The following SGCD variants were observed in gnomAD, a reference collection of about 807,000 sequenced individuals.
SGCD encodes sarcoglycan delta.
In SGCD, 18 loss-of-function variants were observed where a neutral mutation model predicts 36.6. The observed-to-expected ratio is 0.49, with a 90% CI of 0.34 to 0.73. The LOEUF (loss-of-function observed/expected upper bound fraction) is 0.73. SGCD is among the 30% of genes least tolerant of loss of function. The pLI is 0.01. For synonymous variants in SGCD, 133 were observed against 130.6 expected, an observed-to-expected ratio of 1.02 and a Z score of -0.12; for missense variants, 387 against 346.7, an observed-to-expected ratio of 1.12 and a Z score of -0.92.
rs182802341 is a variant in SGCD, at chr5:156,575,073, G to A, written c.295-14158G>A. Among the ~76,000 whole-genome samples the A allele has an allele frequency of 4.4e-4, 67 of 152,322 alleles. 1 individual carries two copies. The East Asian group carries it at 0.011, about 26-fold the overall frequency. Reference sequence around the variant, plus strand: ...TGGAAGAGCCCTGTTTGCAAATGTGGCCAAAAGCCAGAGAAGTTTAGCCCA... The same window carrying A: ...TGGAAGAGCCCTGTTTGCAAATGTGACCAAAAGCCAGAGAAGTTTAGCCCA... On this transcript the variant is annotated intron_variant, in intron 4 of 8. Coordinates refer to ENST00000337851, the MANE Select transcript of SGCD (RefSeq NM_000337.6).
chr5:156,158,232 G>A (rs1333516591), intron 3 of SGCD, among the ~76,000 whole-genome samples: 1 of 151,608 alleles, frequency 6.6e-6, no homozygotes, highest in East Asian at 1.9e-4. Flanking sequence ...ACTGGATGCT[G>A]TCTGAGAATC....
chr5:155,935,882 C>T (rs950543647), intron 1 of SGCD, among the ~76,000 whole-genome samples: 10 of 152,142 alleles, frequency 6.6e-5, no homozygotes, highest in African/African-American at 1.7e-4. Context: ...GGTGTGTGAG[C>T]GAGCAAGTGA....
intron 4 of SGCD, among the ~76,000 whole-genome samples, chr5:156,577,385 T>A (rs1055309048): frequency 1.6e-4 from 25 of 152,222 alleles, no homozygotes; most frequent in Non-Finnish European, 8.8e-5. Context: ...TGCTTAGGAT[T>A]GTCTTGGCAA....
chr5:156,459,209 C>A lies in SGCD; in HGVS notation c.193-49392C>A, dbSNP rs112202927. The stretch of plus-strand genomic sequence containing the variant: ...TTATAAGTACATAATTGTGTGTATA[C>A]TATGTGGCTTACACTATTCTGAGTG... On this transcript the variant is annotated intron_variant, in intron 3 of 8. Coordinates refer to ENST00000337851, the MANE Select transcript of SGCD (RefSeq NM_000337.6). Among the ~76,000 whole-genome samples the A allele has an allele frequency of 4.0e-3, 607 of 152,214 alleles. 2 individuals carry two copies. Among genetic ancestry groups the A allele is most frequent in the African/African-American group, 0.014 (574 of 41,542 alleles).
intron 3 of SGCD, among the ~76,000 whole-genome samples, chr5:156,406,422 C>T (rs1199676240): frequency 6.6e-6 from 1 of 151,972 alleles, no homozygotes; most frequent in African/African-American, 2.4e-5. Flanking sequence ...CTCTCCTGTG[C>T]CCCTCTCCTC....
rs1009311380 is a variant in SGCD at position 156,649,506 on chromosome 5, A to G, written c.575+1970A>G. Reference sequence around the variant, plus strand: ...ACTGGATTAAGAAAATGTGGTACATATACACCATGGAATACTATGCAGCCA... The same window carrying G: ...ACTGGATTAAGAAAATGTGGTACATGTACACCATGGAATACTATGCAGCCA... On this transcript the variant is annotated intron_variant, in intron 7 of 8. Transcript: ENST00000337851. Among the ~76,000 whole-genome samples, 4 of 152,338 alleles carry G rather than the reference A, an allele frequency of 2.6e-5. No homozygotes were observed. The South Asian group carries it at 8.3e-4, about 32-fold the overall frequency.
At chr5:156,718,271 A>T (rs1259095072) in intron 7 of SGCD, among the ~76,000 whole-genome samples, 1 of 152,136 alleles carries the variant, frequency 6.6e-6, no homozygotes, top group Admixed American at 6.6e-5. Context: ...GAATGAAATG[A>T]AAATAATACA....
Position 156,391,494 on chromosome 5 carries a change from A to G in SGCD, c.192+46817A>G, listed in dbSNP as rs376289931. 2.0e-3 allele frequency among the ~76,000 whole-genome samples: 299 copies of G among 152,340 alleles called. 1 individual carries two copies. The highest frequency in any genetic ancestry group is 7.0e-3 in the African/African-American group (289 of 41,564). ...TAAAACAAAAAAGAAAAGAAAAAGGATAGTTGCATCTGTACTGAACACATA... is the reference window on the plus strand; with the variant it reads ...TAAAACAAAAAAGAAAAGAAAAAGGGTAGTTGCATCTGTACTGAACACATA... On this transcript the variant is annotated intron_variant, in intron 3 of 8. Transcript: ENST00000337851.
the SGCD span, among the ~76,000 whole-genome samples, chr5:155,857,369 A>G: frequency 6.6e-6 from 1 of 152,216 alleles, no homozygotes; most frequent in African/African-American, 2.4e-5. Flanking sequence ...TGCTATGGAC[A>G]AAATTGGAAG....
chr5:156,756,204 C>T (rs969760691), intron 7 of SGCD, among the ~76,000 whole-genome samples: 2 of 152,188 alleles, frequency 1.3e-5, no homozygotes, highest in African/African-American at 4.8e-5. Flanking sequence ...CGTTAGGATA[C>T]TTTCTTTGTA....
intron 1 of SGCD, among the ~76,000 whole-genome samples, chr5:155,983,183 C>T (rs1048840645): frequency 2.6e-5 from 4 of 152,150 alleles, no homozygotes; most frequent in African/African-American, 9.7e-5. Flanking sequence ...GTATAACAGG[C>T]ACTGTAGAAA....
intron 1 of SGCD, among the ~76,000 whole-genome samples, chr5:156,073,164 A>T (rs1349671920): frequency 6.6e-6 from 1 of 152,190 alleles, no homozygotes; most frequent in Non-Finnish European, 1.5e-5. Context: ...TTCATGAATG[A>T]AATTCAGGAA....
At chr5:155,959,907 G>T (rs554996036) in intron 1 of SGCD, among the ~76,000 whole-genome samples, 22 of 152,122 alleles carry the variant, frequency 1.4e-4, no homozygotes, top group Non-Finnish European at 1.2e-4. Context: ...CATGCTAGTC[G>T]ATTTCAGAAG....
At chr5:156,159,292 T>C (rs1311104302) in intron 3 of SGCD, among the ~76,000 whole-genome samples, 1 of 151,720 alleles carries the variant, frequency 6.6e-6, no homozygotes, top group African/African-American at 2.4e-5. Flanking sequence ...CAAAATTACG[T>C]AGATTTTACT....
chr5:156,632,951 G>A (rs1229172235), intron 6 of SGCD, among the ~76,000 whole-genome samples: 1 of 152,186 alleles, frequency 6.6e-6, no homozygotes, highest in Non-Finnish European at 1.5e-5. Context: ...TCATTGCAAG[G>A]TTGTGAGAAG....
chr5:155,776,267 C>T, the SGCD span, among the ~76,000 whole-genome samples: 1 of 152,036 alleles, frequency 6.6e-6, no homozygotes, highest in African/African-American at 2.4e-5. Flanking sequence ...TCAGTCTGGC[C>T]CTGTTTGGAC....
intron 7 of SGCD, among the ~76,000 whole-genome samples, chr5:156,755,788 G>A (rs1346780706): frequency 4.6e-5 from 7 of 152,126 alleles, no homozygotes; most frequent in East Asian, 3.9e-4. Context: ...CAATCCTTTC[G>A]TAAGTACTCC....
At chr5:156,302,784 C>T (rs1315108230) in intron 3 of SGCD, among the ~76,000 whole-genome samples, 1 of 152,044 alleles carries the variant, frequency 6.6e-6, no homozygotes, top group Non-Finnish European at 1.5e-5. Context: ...CCTGTATTAC[C>T]AACTTGTTAT....
chr5:156,612,919 C>G (rs189678568), intron 6 of SGCD, among the ~76,000 whole-genome samples: 1 of 152,322 alleles, frequency 6.6e-6, no homozygotes, highest in Non-Finnish European at 1.5e-5. Context: ...ATAAAGACTG[C>G]AGAACTCTCT....
Sources: allele counts gnomAD v4.1 joint callset (sites outside exome capture counted in the v4.1 genomes callset), GRCh38; gene constraint gnomAD v4.1.1; transcripts MANE v1.5; gene names NCBI Gene and HGNC (gene_info 2026-07-23, HGNC 2026-07-21).